NKAIN2: variants seen among roughly 807,000 people sequenced by gnomAD.
NKAIN2 encodes sodium/potassium-transporting ATPase subunit beta-1-interacting protein 2.
NKAIN2 carries 14 observed loss-of-function variants against 32.6 expected under a neutral mutation model. The observed-to-expected ratio is 0.43, with a 90% CI of 0.28 to 0.67. The LOEUF (loss-of-function observed/expected upper bound fraction) is 0.67. NKAIN2 is among the 30% of genes least tolerant of loss of function. NKAIN2 has a pLI of 0.17. For synonymous variants in NKAIN2, 80 were observed against 87.2 expected (o/e 0.92, Z 0.46); for missense variants, 198 against 258.3 (o/e 0.77, Z 1.60).
chr6:124,308,238 G>A (rs979585189), intron 2 of NKAIN2, among the ~76,000 whole-genome samples: 8 of 151,696 alleles, frequency 5.3e-5, no homozygotes, highest in African/African-American at 1.7e-4. Flanking sequence ...GAGAACATGC[G>A]GAGTTTAGTT....
chr6:124,738,634 T>TA, intron 4 of NKAIN2, among the ~76,000 whole-genome samples: 1 of 152,002 alleles, frequency 6.6e-6, no homozygotes, highest in South Asian at 2.1e-4. Context: ...TGCTCTTACT[T>TA]ATGCATCATG....
At chr6:124,386,665 A>G (rs940317982) in intron 3 of NKAIN2, among the ~76,000 whole-genome samples, 7 of 152,250 alleles carry the variant, frequency 4.6e-5, no homozygotes, top group Non-Finnish European at 1.0e-4. Flanking sequence ...GAGTCAATTG[A>G]GATGTCTGTG....
chr6:124,362,725 A>T (rs1799342317), intron 3 of NKAIN2, among the ~76,000 whole-genome samples: 1 of 152,196 alleles, frequency 6.6e-6, no homozygotes, highest in Non-Finnish European at 1.5e-5. Context: ...ATGATTTATT[A>T]TCATCCCCAA....
chr6:124,126,469 A>C (rs373937068), intron 1 of NKAIN2, among the ~76,000 whole-genome samples: 2 of 152,186 alleles, frequency 1.3e-5, no homozygotes, highest in Non-Finnish European at 2.9e-5. Context: ...AACTTTCATC[A>C]TCACATTTAA....
At chr6:124,764,378 A>G (rs1778414093) in intron 4 of NKAIN2, among the ~76,000 whole-genome samples, 1 of 152,210 alleles carries the variant, frequency 6.6e-6, no homozygotes, top group Non-Finnish European at 1.5e-5. Flanking sequence ...AAATTCACCA[A>G]TAATATATTT....
At chr6:124,404,703 T>G (rs1278022738) in intron 3 of NKAIN2, among the ~76,000 whole-genome samples, 1 of 152,172 alleles carries the variant, frequency 6.6e-6, no homozygotes, top group East Asian at 1.9e-4. Flanking sequence ...TTATGTATAC[T>G]TTAAAGTTAC....
chr6:123,888,599 C>A (rs1441396145), intron 1 of NKAIN2, among the ~76,000 whole-genome samples: 1 of 152,034 alleles, frequency 6.6e-6, no homozygotes, highest in East Asian at 1.9e-4. Flanking sequence ...CAAACAATAT[C>A]AAATCAATAT....
chr6:123,908,122 A>T (rs1198999587), intron 1 of NKAIN2, among the ~76,000 whole-genome samples: 2 of 152,270 alleles, frequency 1.3e-5, no homozygotes, highest in East Asian at 3.9e-4. Context: ...ATGTCCAAGA[A>T]CAGGTAATTG....
chr6:124,133,332 A>G (rs1028412099), intron 1 of NKAIN2, among the ~76,000 whole-genome samples: 1 of 152,162 alleles, frequency 6.6e-6, no homozygotes. Flanking sequence ...TACCTGAAAC[A>G]CTAGGACAGA....
At chr6:124,488,795 G>C (rs116499750) in intron 3 of NKAIN2, among the ~76,000 whole-genome samples, 2 of 152,074 alleles carry the variant, frequency 1.3e-5, no homozygotes, top group South Asian at 2.1e-4. Context: ...TACTGTCATA[G>C]CTTCTCTAAA....
chr6:124,489,915 T>G (rs1777795128), intron 3 of NKAIN2, among the ~76,000 whole-genome samples: 1 of 151,848 alleles, frequency 6.6e-6, no homozygotes, highest in Non-Finnish European at 1.5e-5. Flanking sequence ...CATGACCTGA[T>G]CGTCATTGCA....
chr6:123,903,712 T>A (rs985401358), intron 1 of NKAIN2, among the ~76,000 whole-genome samples: 2 of 152,202 alleles, frequency 1.3e-5, no homozygotes, highest in African/African-American at 4.8e-5. Context: ...GACCTAATTA[T>A]CTTCTTATTT....
intron 3 of NKAIN2, among the ~76,000 whole-genome samples, chr6:124,598,750 A>G (rs1478994429): frequency 6.6e-6 from 1 of 152,012 alleles, no homozygotes; most frequent in Non-Finnish European, 1.5e-5. Flanking sequence ...AAACCACATG[A>G]CCAACTTCAC....
chr6:123,932,406 CTTTTTTTTTTTT>C (rs57063550), intron 1 of NKAIN2, among the ~76,000 whole-genome samples: 45 of 104,446 alleles, frequency 4.3e-4, no homozygotes, highest in African/African-American at 1.5e-3. Flanking sequence ...TTCTGTCTTT[CTTTTTTTTTTTT>C]TTTTTTTTTT....
chr6:124,216,558 G>A (rs1791487328), intron 1 of NKAIN2, among the ~76,000 whole-genome samples: 1 of 152,110 alleles, frequency 6.6e-6, no homozygotes. Context: ...TGTCTGTTTA[G>A]TGTCACATTA....
intron 3 of NKAIN2, among the ~76,000 whole-genome samples, chr6:124,555,387 G>A (rs185388369): frequency 3.9e-5 from 6 of 152,114 alleles, no homozygotes; most frequent in East Asian, 3.9e-4. Context: ...TTTATCCCCC[G>A]TTCCCCAATT....
At chr6:124,759,641 ACACACACACACACACC>A (rs1313829870) in intron 4 of NKAIN2, among the ~76,000 whole-genome samples, 1,371 of 92,870 alleles carry the variant, frequency 0.015, 66 homozygotes, top group Non-Finnish European at 0.02. Context: ...ACACACACAC[ACACACACACACACACC>A]CCCTATCTCC....
At chr6:124,616,612 C>T (rs1782912207) in intron 3 of NKAIN2, among the ~76,000 whole-genome samples, 1 of 150,438 alleles carries the variant, frequency 6.6e-6, no homozygotes, top group African/African-American at 2.4e-5. Context: ...CTACAGCCGC[C>T]CGCCACCACG....
At chr6:124,446,023 G>A (rs945465328) in intron 3 of NKAIN2, among the ~76,000 whole-genome samples, 1 of 152,112 alleles carries the variant, frequency 6.6e-6, no homozygotes, top group African/African-American at 2.4e-5. Flanking sequence ...CCTGTGCAAT[G>A]TAATTCTTTA....
Sources: allele counts gnomAD v4.1 joint callset (sites outside exome capture counted in the v4.1 genomes callset), GRCh38; gene constraint gnomAD v4.1.1; transcripts MANE v1.5; gene names NCBI Gene and HGNC (gene_info 2026-07-23, HGNC 2026-07-21).